The following KDM6B variants were observed in gnomAD, a reference collection of about 807,000 sequenced individuals.
The protein encoded by KDM6B is lysine demethylase 6B, also known as lysine-specific demethylase 6B.
A neutral mutation model predicts 150.4 loss-of-function variants in KDM6B; 22 were observed. The ratio of observed to expected loss-of-function variants is 0.15; its 90% confidence interval spans 0.10 to 0.21. KDM6B has a LOEUF of 0.21. Ranked by LOEUF, KDM6B falls within the 10% of genes least tolerant of loss-of-function variation. The pLI is 1.00. For synonymous variants in KDM6B, 1,148 were observed against 921.1 expected, an observed-to-expected ratio of 1.25 and a Z score of -4.46; for missense variants, 1,984 against 2,234.3, an observed-to-expected ratio of 0.89 and a Z score of 2.26.
At chr17:7,846,354 T>G in intron 7 of KDM6B, 46 bp from the exon 8 acceptor site, 4 of 1,567,100 alleles carry the variant, frequency 2.6e-6, no homozygotes. Flanking sequence ...TCTGGCTCAG[T>G]GCCCCACCTG....
In KDM6B at chr17:7,843,212, T is replaced by C. The variant is rs2078453508; in HGVS notation, c.-268-1689T>C. Among the ~76,000 whole-genome samples, 1 of 152,094 alleles carries C rather than the reference T, an allele frequency of 6.6e-6. No homozygotes were observed. The highest frequency in any genetic ancestry group is 2.4e-5 in the African/African-American group (1 of 41,400). ...CAAGCAGGCATCTGCCCCTCTGTTG[T>C]CTGGTTCCCCGGCTCCCCCTCCACG... On this transcript the variant is annotated intron_variant, in intron 2 of 23. Transcript: ENST00000448097. The surrounding 1 kb of genome is among the most constrained non-coding windows in gnomAD (Gnocchi z 4.5).
At chr17:7,846,043 C>T in intron 6 of KDM6B, 35 bp from the exon 7 acceptor site, 1 of 1,173,580 alleles carries the variant, frequency 8.5e-7, no homozygotes, top group Non-Finnish European at 1.2e-6. Flanking sequence ...TCAAGCCCAA[C>T]CCCCACCCAC....
At chr17:7,851,444 GCT>G (rs2078692947) in intron 16 of KDM6B, 32 bp from the exon 17 acceptor site, 1 of 1,614,124 alleles carries the variant, frequency 6.2e-7, no homozygotes, top group African/African-American at 1.3e-5. Flanking sequence ...CCCTCCCTCT[GCT>G]CTCCACCAAC....
intron 1 of KDM6B, among the ~76,000 whole-genome samples, chr17:7,837,085 T>C (rs968509344): frequency 6.6e-6 from 1 of 152,200 alleles, no homozygotes; most frequent in Non-Finnish European, 1.5e-5. Context: ...TTTGCCCCTT[T>C]GCTGGGCTGA....
At chr17:7,853,183 C>T (rs764627073) in intron 22 of KDM6B, 27 bp from the exon 23 acceptor site, 2 of 1,613,850 alleles carry the variant, frequency 1.2e-6, no homozygotes, top group Non-Finnish European at 1.7e-6. Flanking sequence ...CTCCCTCCCC[C>T]TGACTGCACT....
Position 7,835,812 on chromosome 17 carries a change from C to T in KDM6B, c.-388+1462C>T, listed in dbSNP as rs139094949. On this transcript the variant is annotated intron_variant, in intron 1 of 23. Transcript: ENST00000448097. ...CGCCTGCGCGGCGAGCCGGGCGCCC[C>T]CCTCCCCTCGTGGAGTCTGTGTAAA... Among the ~76,000 whole-genome samples, 859 of 152,014 alleles carry T rather than the reference C, an allele frequency of 5.7e-3. 3 individuals carry two copies. The highest frequency in any genetic ancestry group is 1.0e-2 in the Non-Finnish European group (677 of 67,896).
rs201220373 is a variant in KDM6B at position 7,847,068 on chromosome 17, C to G, written c.910-37C>G. 11 of 1,611,116 alleles carry G rather than the reference C, an allele frequency of 6.8e-6. No homozygotes were observed. The East Asian group carries it at 2.2e-4, about 33-fold the overall frequency. Reference sequence around the variant, plus strand: ...CTCTCACCTACAAGTCCCACGCTCTCTATTCCTCATCCTGCATCCCTGTTT... The same window carrying G: ...CTCTCACCTACAAGTCCCACGCTCTGTATTCCTCATCCTGCATCCCTGTTT... On this transcript the variant is annotated intron_variant, in intron 10 of 23. Coordinates refer to ENST00000448097, the MANE Select transcript of KDM6B (RefSeq NM_001348716.2).
chr17:7,845,913 T>A lies in KDM6B; in HGVS notation c.179T>A (p.Leu60Gln). The stretch of plus-strand genomic sequence containing the variant: ...GGGCAGCCCCCGCTTCCTGCTCCCC[T>A]ACCCCCTTCACATGGCAGTAGTTCT... ...SIGQPPLPAP[L>Q]PPSHGSSSGH... The change falls in exon 6 of 24, where the codon CTA (leucine) becomes CAA (glutamine). Residue 60 changes from leucine to glutamine, a missense_variant. By Grantham distance (113) the Leu-to-Gln change is moderately radical. Around this residue, in one of 13 missense-constraint regions of KDM6B, gnomAD observed 337 missense variants for 323.9 expected, o/e 1.04. Transcript: ENST00000448097. 6.2e-7 allele frequency: 1 copy of A among 1,614,124 alleles called. No homozygotes were observed. Among genetic ancestry groups the A allele is most frequent in the East Asian group, 2.2e-5 (1 of 44,882 alleles).
Position 7,854,592 on chromosome 17 carries a change from GAGTTTCTC to G in KDM6B, c.*1072_*1079del. 1 of 154,704 alleles carries G rather than the reference GAGTTTCTC, an allele frequency of 6.5e-6. No homozygotes were observed. The highest frequency in any genetic ancestry group is 1.4e-5 in the Non-Finnish European group (1 of 69,380). The allele number at this position is 154,704 out of a possible 1,614,324, so 9.6% of individuals were successfully genotyped here. Reference sequence around the variant, plus strand: ...CACTGGGGCAGGGACACCCCGGGGTGAGTTTCTCTGGGGCTTTATTTTCGTTTTGTTGG... The same window carrying G: ...CACTGGGGCAGGGACACCCCGGGGTGTGGGGCTTTATTTTCGTTTTGTTGG... On this transcript the variant is annotated 3_prime_UTR_variant, in exon 24 of 24. Coordinates refer to ENST00000448097, the MANE Select transcript of KDM6B (RefSeq NM_001348716.2).
chr17:7,853,772 C>T lies in KDM6B; in HGVS notation c.*251C>T, dbSNP rs1410887497. Reference sequence around the variant, plus strand: ...GGCAGCCCCTCGCCCACCAGCGCCTCCCCTCACCGACTTTGGCCTTTTTAG... The same window carrying T: ...GGCAGCCCCTCGCCCACCAGCGCCTTCCCTCACCGACTTTGGCCTTTTTAG... On this transcript the variant is annotated 3_prime_UTR_variant, in exon 24 of 24. Coordinates refer to ENST00000448097, the MANE Select transcript of KDM6B (RefSeq NM_001348716.2). 1 of 301,288 alleles carries T rather than the reference C, an allele frequency of 3.3e-6. No homozygotes were observed. Among genetic ancestry groups the T allele is most frequent in the Non-Finnish European group, 6.1e-6 (1 of 164,710 alleles). 18.7% of individuals were successfully genotyped at this position (301,288 alleles called of 1,614,324 possible). A position where few individuals can be genotyped will look rare whatever the true frequency, so the allele number is the denominator to read the frequency against.
At chr17:7,849,760 G>T in intron 12 of KDM6B, 32 bp downstream of exon 12, 1 of 1,612,726 alleles carries the variant, frequency 6.2e-7, no homozygotes. Context: ...TTGTCCCGGA[G>T]ACAGGCTCCC....
In KDM6B at chr17:7,853,550, C is replaced by T. The variant is rs374683893; in HGVS notation, c.*29C>T. On this transcript the variant is annotated 3_prime_UTR_variant, in exon 24 of 24. Transcript: ENST00000448097. Reference sequence around the variant, plus strand: ...CGGACGCCCCGCCCGCCTGCCTGCCCGCGCAAGGCGCCGCGGGGCCACCAG... The same window carrying T: ...CGGACGCCCCGCCCGCCTGCCTGCCTGCGCAAGGCGCCGCGGGGCCACCAG... 15 of 1,412,560 alleles carry T rather than the reference C, an allele frequency of 1.1e-5. No individual in the cohort carries two copies. The highest frequency in any genetic ancestry group is 1.4e-5 in the Non-Finnish European group (15 of 1,084,510). The allele number at this position is 1,412,560 out of a possible 1,614,324, so 87.5% of individuals were successfully genotyped here.
intron 1 of KDM6B, among the ~76,000 whole-genome samples, chr17:7,837,272 G>T (rs777555174): frequency 4.0e-5 from 6 of 151,190 alleles, no homozygotes; most frequent in Non-Finnish European, 8.8e-5. Flanking sequence ...AAAGACGGAA[G>T]AGTTGTGTGT....
Position 7,845,464 on chromosome 17 carries a change from A to G in KDM6B, c.-6+8A>G, listed in dbSNP as rs2078512165. The G allele has an allele frequency of 5.8e-6, 9 of 1,546,750 alleles. No homozygotes were observed. The highest frequency in any genetic ancestry group is 8.0e-6 in the Non-Finnish European group (9 of 1,120,166). On this transcript the variant is annotated splice_region_variant and intron_variant, in intron 4 of 23. Transcript: ENST00000448097. ...GGGGCCACTGCTGACCTGGTAAGGG[A>G]AACTCTGGGGCCGAGCTGGCTGGAT...
In KDM6B at chr17:7,853,512, G is replaced by A. The variant is rs751271300; in HGVS notation, c.4923G>A (p.Thr1641=). ...TCTCCCCCCAGGCCCCAGCCAGCAC[G>A]TCGCGATGAGGCCGGACGCCCCGCC... ...YDAFTLAPAS[T]SR is the part of the protein sequence containing the mutation. The change falls in exon 24 of 24, where the codon ACG becomes ACA. Residue 1641 remains threonine, a synonymous_variant. Coordinates refer to ENST00000448097, the MANE Select transcript of KDM6B (RefSeq NM_001348716.2). The A allele has an allele frequency of 3.2e-4, 483 of 1,504,660 alleles. 3 individuals are homozygous for A. The highest frequency in any genetic ancestry group is 1.4e-3 in the Middle Eastern group (6 of 4,238). 93.2% of individuals were successfully genotyped at this position (1,504,660 alleles called of 1,614,324 possible).
At chr17:7,841,152 G>A (rs2151370841) in intron 2 of KDM6B, among the ~76,000 whole-genome samples, 1 of 152,286 alleles carries the variant, frequency 6.6e-6, no homozygotes, top group Middle Eastern at 3.4e-3. Flanking sequence ...AGGTTTTGGG[G>A]AGGAGTAAAA....
chr17:7,853,288 G>A lies in KDM6B; in HGVS notation c.4816G>A (p.Ala1606Thr), dbSNP rs1261864201. Residue 1606 changes from alanine to threonine, a missense_variant, in exon 23 of 24, where the codon GCC becomes ACC. Transcript: ENST00000448097. The part of the protein sequence containing the change: ...NTYLVHCEGC[A>T]RRRSAGLQGV... ...GTACCTGGTACACTGCGAGGGCTGTGCCCGGCGCCGCAGCGCAGGCCTGCA... is the reference window on the plus strand; with the variant it reads ...GTACCTGGTACACTGCGAGGGCTGTACCCGGCGCCGCAGCGCAGGCCTGCA... 1.9e-6 allele frequency: 3 copies of A among 1,605,872 alleles called. No homozygotes were observed. Among genetic ancestry groups the A allele is most frequent in the Non-Finnish European group, 2.5e-6 (3 of 1,176,906 alleles).
At chr17:7,852,673 G>A in intron 21 of KDM6B, 37 bp downstream of exon 21, 2 of 1,613,234 alleles carry the variant, frequency 1.2e-6, no homozygotes, top group Non-Finnish European at 1.7e-6. Context: ...CACCTCCACT[G>A]ACTGGTCCCT....
Position 7,849,705 on chromosome 17 carries a change from T to C in KDM6B, c.3417T>C (p.Ala1139=). Reference sequence around the variant, plus strand: ...CAGACCTCACCATCAGCCACTGTGCTGCTGACGTCGTGCGCGCCAGCAGGT... The same window carrying C: ...CAGACCTCACCATCAGCCACTGTGCCGCTGACGTCGTGCGCGCCAGCAGGT... ...RMADLTISHC[A]ADVVRASRNA... The change falls in exon 12 of 24, where the codon GCT becomes GCC. Residue 1139 remains alanine (A), a synonymous_variant. Coordinates refer to ENST00000448097, the MANE Select transcript of KDM6B (RefSeq NM_001348716.2). The C allele has an allele frequency of 6.2e-7, 1 of 1,611,164 alleles. No individual in the cohort carries two copies. The highest frequency in any genetic ancestry group is 8.5e-7 in the Non-Finnish European group (1 of 1,179,938).
Sources: gnomAD v4.1 joint callset for allele counts (sites outside exome capture counted in the v4.1 genomes callset) on GRCh38, gnomAD v4.1.1 for gene constraint, gnomAD v4.1.1 regional missense constraint, Gnocchi (gnomAD v3.1) non-coding constraint, MANE v1.5 for transcripts, NCBI Gene and HGNC (gene_info 2026-07-23, HGNC 2026-07-21) for gene names.